CSMD2: variants seen among roughly 807,000 people sequenced by gnomAD.
CSMD2 encodes CUB and Sushi multiple domains 2.
In CSMD2, 130 loss-of-function variants were observed where a neutral mutation model predicts 398.5. The observed-to-expected ratio is 0.33, with a 90% CI of 0.28 to 0.38. The LOEUF is 0.38. Ranked by LOEUF, CSMD2 falls within the 10% of genes least tolerant of loss-of-function variation. CSMD2 has a pLI of 1.00. For missense variants in CSMD2, 3,829 were observed against 4,764.9 expected (o/e 0.80, Z 5.78); for synonymous variants, 1,828 against 1,908.5 (o/e 0.96, Z 1.10).
chr1:33,808,625 G>A (rs1247229990), intron 10 of CSMD2, among the ~76,000 whole-genome samples: 2 of 151,960 alleles, frequency 1.3e-5, no homozygotes, highest in Admixed American at 6.5e-5. Context: ...TGTAGCCTTT[G>A]ATGCTTAAAT....
chr1:33,583,557 G>GA (rs1171117454), intron 47 of CSMD2, 85 bp downstream of exon 47: 1 of 1,374,406 alleles, frequency 7.3e-7, no homozygotes, highest in Non-Finnish European at 1.0e-6. Context: ...GCCCTGATAG[G>GA]AAAACTGCAG....
intron 3 of CSMD2, among the ~76,000 whole-genome samples, chr1:33,951,958 C>T (rs1645020820): frequency 6.6e-6 from 1 of 152,212 alleles, no homozygotes; most frequent in Non-Finnish European, 1.5e-5. Flanking sequence ...CCTTCTCAAC[C>T]TTTCAAGACT....
intron 46 of CSMD2, 67 bp downstream of exon 46, chr1:33,586,437 A>G: frequency 9.7e-7 from 1 of 1,030,580 alleles, no homozygotes; most frequent in Non-Finnish European, 1.5e-6. Flanking sequence ...TAGAAAGAGG[A>G]GCAAAACAAG....
At chr1:33,597,167 T>A (rs1269932105) in intron 44 of CSMD2, among the ~76,000 whole-genome samples, 1 of 152,176 alleles carries the variant, frequency 6.6e-6, no homozygotes, top group Non-Finnish European at 1.5e-5. Context: ...TTCTTATTGA[T>A]CCTCATATGA....
chr1:33,741,814 T>C (rs1443545984), intron 14 of CSMD2, among the ~76,000 whole-genome samples: 3 of 152,198 alleles, frequency 2.0e-5, no homozygotes, highest in African/African-American at 7.2e-5. Flanking sequence ...TCCCACTCAG[T>C]GTCCACACAT....
At chr1:33,689,028 AAGAG>A (rs1016417342) in intron 25 of CSMD2, among the ~76,000 whole-genome samples, 2 of 149,686 alleles carry the variant, frequency 1.3e-5, no homozygotes, top group Non-Finnish European at 3.0e-5. Context: ...AGAGGAGAAA[AAGAG>A]AGAGAGGGAG....
At position 33,767,545 on chromosome 1, in the gene CSMD2, A is replaced by T. The variant is rs368746059; in HGVS notation, c.1846+5024T>A. ...ATCCCCAAAGGCCCTTCAGTTTAGA[A>T]TTTGACCAGGAACAGCCATACCCTC... On this transcript the variant is annotated intron_variant, in intron 13 of 70. Transcript: ENST00000373381. Among the ~76,000 whole-genome samples, 7 of 152,324 alleles carry T rather than the reference A, an allele frequency of 4.6e-5. No homozygotes were observed. The East Asian group carries it at 1.2e-3, about 25-fold the overall frequency.
intron 25 of CSMD2, among the ~76,000 whole-genome samples, chr1:33,683,669 C>T (rs543179637): frequency 1.3e-5 from 2 of 152,290 alleles, no homozygotes; most frequent in South Asian, 2.1e-4. Context: ...GTGTTTCTTT[C>T]TCTAGAGGTG....
rs531711189 is a variant in CSMD2, at chr1:33,571,695, G to A, written c.7794C>T (p.Ser2598=). The A allele has an allele frequency of 2.6e-5, 40 of 1,541,446 alleles. No homozygotes were observed. The Middle Eastern group carries it at 8.8e-4, about 34-fold the overall frequency. Residue 2598 remains serine, a synonymous_variant, in exon 51 of 71, where the codon AGC becomes AGT. Coordinates refer to ENST00000373381, the MANE Select transcript of CSMD2 (RefSeq NM_001281956.2). ...PVTCPDVSSI[S]VEHGRWRLIF... Reference sequence around the variant, plus strand: ...TAAGCCTCCATCGGCCATGCTCCACGCTGATGCTACTGACATCAGGACAAG... The same window carrying A: ...TAAGCCTCCATCGGCCATGCTCCACACTGATGCTACTGACATCAGGACAAG...
At chr1:33,667,726 G>A (rs1444438816) in intron 25 of CSMD2, among the ~76,000 whole-genome samples, 1 of 152,236 alleles carries the variant, frequency 6.6e-6, no homozygotes, top group Non-Finnish European at 1.5e-5. Context: ...TGGCATTGAT[G>A]TTGCGGAGAG....
At chr1:33,684,771 T>A (rs752709954) in intron 25 of CSMD2, among the ~76,000 whole-genome samples, 1 of 152,240 alleles carries the variant, frequency 6.6e-6, no homozygotes, top group Non-Finnish European at 1.5e-5. Context: ...AAAGTGCAGC[T>A]GGAAAGGTGC....
intron 5 of CSMD2, among the ~76,000 whole-genome samples, chr1:33,865,989 G>A (rs2125130675): frequency 6.6e-6 from 1 of 152,272 alleles, no homozygotes; most frequent in South Asian, 2.1e-4. Flanking sequence ...GGGCCAAAAT[G>A]CAAAGCTGCT....
chr1:34,094,401 C>T (rs1223700467), intron 1 of CSMD2, among the ~76,000 whole-genome samples: 2 of 151,842 alleles, frequency 1.3e-5, no homozygotes, highest in Non-Finnish European at 2.9e-5. Flanking sequence ...CAAATTCACA[C>T]ATAACACTAT....
chr1:33,943,097 C>T (rs1422305965), intron 3 of CSMD2, among the ~76,000 whole-genome samples: 1 of 152,148 alleles, frequency 6.6e-6, no homozygotes, highest in Non-Finnish European at 1.5e-5. Flanking sequence ...AGTTCCTTAC[C>T]ACCAAGGCAC....
intron 3 of CSMD2, among the ~76,000 whole-genome samples, chr1:33,951,399 A>C (rs1218539239): frequency 6.6e-6 from 1 of 152,142 alleles, no homozygotes; most frequent in African/African-American, 2.4e-5. Flanking sequence ...ACACTCTACA[A>C]AAGGTGCTCT....
chr1:33,717,479 T>C (rs571343964), intron 19 of CSMD2, among the ~76,000 whole-genome samples: 4 of 151,950 alleles, frequency 2.6e-5, no homozygotes, highest in Admixed American at 1.3e-4. Context: ...TGACATCCAG[T>C]GGCACGTCCA....
rs151104378 is a variant in CSMD2, at chr1:33,727,163, G to A, written c.2369-478C>T. 4.4e-3 allele frequency among the ~76,000 whole-genome samples: 672 copies of A among 152,312 alleles called. 5 individuals are homozygous for A. The highest frequency in any genetic ancestry group is 0.02 in the South Asian group (98 of 4,826). ...GGAGGGCATGGGATGTGTTAATTGT[G>A]TTACACAACTGGGTATCCCCAGTAT... On this transcript the variant is annotated intron_variant, in intron 15 of 70. Transcript: ENST00000373381.
rs568600851 is a variant in CSMD2 at position 34,050,229 on chromosome 1, G to C, written c.405-17523C>G. On this transcript the variant is annotated intron_variant, in intron 2 of 70. Transcript: ENST00000373381. The stretch of plus-strand genomic sequence containing the variant: ...CTGGCATGATAAGCCAACTACCCTG[G>C]TGGCAGTTAGATAACACTGGACTGC... Among the ~76,000 whole-genome samples the C allele has an allele frequency of 2.6e-5, 4 of 152,322 alleles. No individual in the cohort carries two copies. In the South Asian group the frequency reaches 8.3e-4, roughly 32 times the overall value.
intron 5 of CSMD2, among the ~76,000 whole-genome samples, chr1:33,892,222 A>C (rs537255882): frequency 6.6e-6 from 1 of 152,076 alleles, no homozygotes; most frequent in South Asian, 2.1e-4. Context: ...GGCAAACTGG[A>C]GGACACCATG....
Sources: allele counts gnomAD v4.1 joint callset (sites outside exome capture counted in the v4.1 genomes callset), GRCh38; gene constraint gnomAD v4.1.1; transcripts MANE v1.5; gene names NCBI Gene and HGNC (gene_info 2026-07-23, HGNC 2026-07-21).